TRAK1: variants seen among roughly 807,000 people sequenced by gnomAD.
The protein encoded by TRAK1 is trafficking kinesin protein 1, also known as trafficking kinesin-binding protein 1.
A neutral mutation model predicts 92.1 loss-of-function variants in TRAK1; 33 were observed. The ratio of observed to expected loss-of-function variants is 0.36; its 90% CI spans 0.27 to 0.48. The LOEUF is 0.48. Among genes scored for constraint, TRAK1 ranks in the 20% least tolerant of loss-of-function variants. The probability of loss-of-function intolerance (pLI) is 0.99; values close to 1 mark genes in which losing one functional copy is unlikely to be tolerated. For synonymous variants in TRAK1, 521 were observed against 517.3 expected (o/e 1.01, Z -0.10); for missense variants, 1,123 against 1,257.9 (o/e 0.89, Z 1.62).
At chr3:42,060,383 C>A (rs549824344) in intron 1 of TRAK1, among the ~76,000 whole-genome samples, 12 of 151,808 alleles carry the variant, frequency 7.9e-5, no homozygotes, top group Non-Finnish European at 1.6e-4. Flanking sequence ...AAGGGAGATT[C>A]CAGGTAGAGG....
intron 10 of TRAK1, 68 bp downstream of exon 10, chr3:42,195,009 A>G (rs1421998962): frequency 3.8e-6 from 6 of 1,576,348 alleles, no homozygotes; most frequent in East Asian, 2.3e-5. Context: ...AGTGTCTGAC[A>G]TTCTGGCCAC....
At chr3:42,112,135 C>CTTTT (rs1223261204) in intron 1 of TRAK1, among the ~76,000 whole-genome samples, 112 of 71,046 alleles carry the variant, frequency 1.6e-3, no homozygotes, top group Non-Finnish European at 1.9e-3. Flanking sequence ...TCAGCTCTTA[C>CTTTT]TTTTTTTTTT....
At position 42,201,053 on chromosome 3, in the gene TRAK1, G is replaced by A; in HGVS notation, c.1426G>A (p.Gly476Arg). 6.2e-7 allele frequency: 1 copy of A among 1,614,124 alleles called. No homozygotes were observed. The highest frequency in any genetic ancestry group is 8.5e-7 in the Non-Finnish European group (1 of 1,180,004). ...TCTGGAAACAGAGGCAGCCGACCTG[G>A]GGTGAGCAAGCTGGGAGTTTTCACT... The part of the protein sequence containing the change: ...IILETEAADL[G>R]NDERSKKPGT... Residue 476 changes from glycine to arginine, a missense_variant and splice_region_variant, in exon 12 of 16, where the codon GGA (glycine) becomes AGA (arginine). Transcript: ENST00000327628.
chr3:42,145,789 C>G (rs1437067165), intron 2 of TRAK1: 1 of 230,526 alleles, frequency 4.3e-6, no homozygotes. Flanking sequence ...GCATGTGGAA[C>G]ATAAGCTAGT....
intron 2 of TRAK1, among the ~76,000 whole-genome samples, chr3:42,173,108 G>A (rs1260655417): frequency 6.6e-6 from 1 of 152,052 alleles, no homozygotes; most frequent in Non-Finnish European, 1.5e-5. Flanking sequence ...ATTGCGCCAT[G>A]GTACTCCAGC....
At chr3:42,100,391 A>G (rs1422462096) in intron 1 of TRAK1, among the ~76,000 whole-genome samples, 1 of 152,200 alleles carries the variant, frequency 6.6e-6, no homozygotes, top group African/African-American at 2.4e-5. Context: ...AAATGGTGAC[A>G]GGTGAGGCAG....
intron 1 of TRAK1, among the ~76,000 whole-genome samples, chr3:42,119,313 A>G (rs1362063271): frequency 3.3e-5 from 5 of 152,230 alleles, no homozygotes; most frequent in Admixed American, 6.5e-5. Context: ...TTTGCTAGGC[A>G]GTGAAGGGCA....
chr3:42,086,383 G>A (rs898289295), upstream of TRAK1, among the ~76,000 whole-genome samples: 3 of 149,328 alleles, frequency 2.0e-5, no homozygotes, highest in Non-Finnish European at 2.9e-5. Context: ...TCAGCTCACT[G>A]CAACCTCTGC....
At chr3:42,157,280 G>A (rs778723351) in intron 2 of TRAK1, among the ~76,000 whole-genome samples, 3 of 151,456 alleles carry the variant, frequency 2.0e-5, no homozygotes, top group Non-Finnish European at 4.4e-5. Flanking sequence ...ACAACATAGT[G>A]AGACCCTGTC....
chr3:42,152,460 C>G (rs1454413408), intron 2 of TRAK1, among the ~76,000 whole-genome samples: 2 of 152,312 alleles, frequency 1.3e-5, no homozygotes, highest in East Asian at 3.9e-4. Context: ...TGCAGAACCT[C>G]TAAAACTTGG....
In TRAK1 at chr3:42,177,025, GCTTTA is replaced by G. The variant is rs1186869285; in HGVS notation, c.363+140_363+144del. 5 of 761,496 alleles carry G rather than the reference GCTTTA, an allele frequency of 6.6e-6. No individual in the cohort carries two copies. The African/African-American group carries it at 8.7e-5, about 13-fold the overall frequency. 47.2% of individuals were successfully genotyped at this position (761,496 alleles called of 1,614,324 possible). ...GTCTCTTTCGAGGTATAATTTAATGGCTTTACTTTTTGAACTAGTAGCTATGTAGG... is the reference window on the plus strand; with the variant it reads ...GTCTCTTTCGAGGTATAATTTAATGGCTTTTTGAACTAGTAGCTATGTAGG... On this transcript the variant is annotated intron_variant, in intron 3 of 15. Transcript: ENST00000327628.
At chr3:42,188,243 A>G in intron 5 of TRAK1, 98 bp downstream of exon 5, 1 of 1,094,278 alleles carries the variant, frequency 9.1e-7, no homozygotes, top group Middle Eastern at 2.2e-4. Flanking sequence ...TTCAGCAGCA[A>G]TGGAGGTCAG....
intron 4 of TRAK1, among the ~76,000 whole-genome samples, chr3:42,187,663 C>T (rs953199252): frequency 6.6e-6 from 1 of 152,052 alleles, no homozygotes; most frequent in Non-Finnish European, 1.5e-5. Flanking sequence ...GACGGGGTTT[C>T]ACCATGTTGG....
chr3:42,117,674 G>A (rs925608160), intron 1 of TRAK1, among the ~76,000 whole-genome samples: 1 of 152,074 alleles, frequency 6.6e-6, no homozygotes, highest in Non-Finnish European at 1.5e-5. Context: ...GTGCAGGCAC[G>A]AGGCCCAGAA....
chr3:42,178,154 T>C (rs1703470826), intron 3 of TRAK1, among the ~76,000 whole-genome samples: 1 of 150,992 alleles, frequency 6.6e-6, no homozygotes, highest in Non-Finnish European at 1.5e-5. Context: ...TTGAGTCTTC[T>C]GAGAGGGGTC....
intron 3 of TRAK1, among the ~76,000 whole-genome samples, chr3:42,180,772 A>G (rs1050332474): frequency 2.0e-5 from 3 of 152,008 alleles, no homozygotes; most frequent in African/African-American, 7.2e-5. Context: ...CCTTTGTGTT[A>G]CAAACATTCC....
chr3:42,208,345 T>C (rs921766950), intron 13 of TRAK1, among the ~76,000 whole-genome samples: 1 of 152,170 alleles, frequency 6.6e-6, no homozygotes, highest in African/African-American at 2.4e-5. Flanking sequence ...TTGAAATTGT[T>C]CATTTATAAA....
chr3:42,223,808 C>A lies in TRAK1; in HGVS notation c.*71C>A. ...TCTCTTGCTCCCACCTCCCTCTCTTCCCCCCACAGTGCACTCCCTCCCTCT... is the reference window on the plus strand; with the variant it reads ...TCTCTTGCTCCCACCTCCCTCTCTTACCCCCACAGTGCACTCCCTCCCTCT... On this transcript the variant is annotated 3_prime_UTR_variant, in exon 16 of 16. Coordinates refer to ENST00000327628, the MANE Select transcript of TRAK1 (RefSeq NM_001042646.3). This position sits in a 1 kb window ranked among gnomAD's most constrained non-coding sequence, Gnocchi z 6.1. The A allele has an allele frequency of 1.3e-6, 2 of 1,499,012 alleles. No individual in the cohort carries two copies. The highest frequency in any genetic ancestry group is 1.8e-6 in the Non-Finnish European group (2 of 1,100,404). 92.9% of individuals were successfully genotyped at this position (1,499,012 alleles called of 1,614,324 possible).
At chr3:42,112,312 C>A (rs1429553420) in intron 1 of TRAK1, among the ~76,000 whole-genome samples, 4 of 150,164 alleles carry the variant, frequency 2.7e-5, no homozygotes, top group Non-Finnish European at 4.4e-5. Context: ...TTAGCTGGGT[C>A]AGCTACTTGG....
Sources: gnomAD v4.1 joint callset for allele counts (sites outside exome capture counted in the v4.1 genomes callset) on GRCh38, gnomAD v4.1.1 for gene constraint, Gnocchi (gnomAD v3.1) non-coding constraint, MANE v1.5 for transcripts, NCBI Gene and HGNC (gene_info 2026-07-23, HGNC 2026-07-21) for gene names.